The following CNTLN variants were observed in gnomAD, a reference collection of about 807,000 sequenced individuals.
CNTLN encodes the protein centlein, centrosomal protein.
Under a neutral mutation model 180.0 loss-of-function variants are expected in CNTLN, and 212 were observed. That is an observed-to-expected ratio of 1.18 (90% CI 1.05 to 1.32). The LOEUF is 1.32. CNTLN is among the 40% of genes most tolerant of loss of function. CNTLN has a pLI of 0.00. For missense variants in CNTLN, 2,095 were observed against 1,610.9 expected, an observed-to-expected ratio of 1.30 and a Z score of -5.14; for synonymous variants, 722 against 563.1, an observed-to-expected ratio of 1.28 and a Z score of -3.99.
chr9:17,254,168 A>G (rs1356622799), intron 5 of CNTLN, among the ~76,000 whole-genome samples: 1 of 151,608 alleles, frequency 6.6e-6, no homozygotes, highest in Non-Finnish European at 1.5e-5. Flanking sequence ...ATCTTTTCAT[A>G]TGCTTCTTGG....
At chr9:17,192,314 C>T (rs1425816703) in intron 2 of CNTLN, among the ~76,000 whole-genome samples, 1 of 148,940 alleles carries the variant, frequency 6.7e-6, no homozygotes, top group African/African-American at 2.5e-5. Flanking sequence ...TCTCGGCTCA[C>T]TGCAAACTCT....
intron 2 of CNTLN, among the ~76,000 whole-genome samples, chr9:17,202,378 C>T (rs962050924): frequency 6.6e-6 from 1 of 152,072 alleles, no homozygotes; most frequent in Non-Finnish European, 1.5e-5. Flanking sequence ...AGTTCAAGGC[C>T]TGAATATCCT....
At chr9:17,459,840 C>T (rs748496573) in intron 19 of CNTLN, among the ~76,000 whole-genome samples, 5 of 151,580 alleles carry the variant, frequency 3.3e-5, no homozygotes, top group African/African-American at 4.8e-5. Flanking sequence ...CTCATTTTAC[C>T]TGAATTATCT....
intron 18 of CNTLN, chr9:17,447,554 TCA>T (rs1487140231): frequency 1.3e-5 from 2 of 153,698 alleles, no homozygotes; most frequent in African/African-American, 4.8e-5. Context: ...TCAGCAGGAC[TCA>T]CAGTTTATCA....
intron 2 of CNTLN, among the ~76,000 whole-genome samples, chr9:17,203,097 G>T (rs1183455536): frequency 6.6e-6 from 1 of 152,058 alleles, no homozygotes; most frequent in Non-Finnish European, 1.5e-5. Context: ...CACTTATGAA[G>T]CTTAGTTTGG....
At chr9:17,321,607 T>A (rs1193235445) in intron 8 of CNTLN, among the ~76,000 whole-genome samples, 1 of 152,190 alleles carries the variant, frequency 6.6e-6, no homozygotes, top group Admixed American at 6.5e-5. Flanking sequence ...GTAGTTAGCT[T>A]TATTTTCTTG....
At chr9:17,416,758 C>T (rs1460310059) in intron 18 of CNTLN, among the ~76,000 whole-genome samples, 2 of 152,094 alleles carry the variant, frequency 1.3e-5, no homozygotes, top group Non-Finnish European at 2.9e-5. Flanking sequence ...GTTTAACTTA[C>T]ACTTTGAGAT....
rs1182294151 is a variant in CNTLN at position 17,417,330 on chromosome 9, G to A, written c.3114+1141G>A. Among the ~76,000 whole-genome samples, 10 of 150,706 alleles carry A rather than the reference G, an allele frequency of 6.6e-5. 1 individual carries two copies. The Middle Eastern group carries it at 0.017, about 260-fold the overall frequency. ...TCCCTTTCCTTTTCTTTTCTCCTAC[G>A]CTTCCTTTCTTTCTTCTCTAGTTAA... On this transcript the variant is annotated intron_variant, in intron 18 of 25. Transcript: ENST00000380647.
chr9:17,323,505 A>G (rs574471635), intron 8 of CNTLN, among the ~76,000 whole-genome samples: 3 of 152,278 alleles, frequency 2.0e-5, no homozygotes, highest in African/African-American at 7.2e-5. Flanking sequence ...GCATCTTACT[A>G]TGGCTATGTG....
chr9:17,388,449 T>C (rs1309450591), intron 14 of CNTLN, among the ~76,000 whole-genome samples, 196 bp downstream of exon 14: 2 of 152,072 alleles, frequency 1.3e-5, no homozygotes, highest in African/African-American at 4.8e-5. Flanking sequence ...TAAACACTTG[T>C]GCTTCCATTG....
At chr9:17,351,003 A>C (rs1218336297) in intron 12 of CNTLN, among the ~76,000 whole-genome samples, 1 of 152,240 alleles carries the variant, frequency 6.6e-6, no homozygotes, top group Non-Finnish European at 1.5e-5. Flanking sequence ...AATCAAAGAC[A>C]GAAAAATCTA....
chr9:17,271,997 T>C (rs1827978904), intron 5 of CNTLN, among the ~76,000 whole-genome samples: 1 of 152,102 alleles, frequency 6.6e-6, no homozygotes, highest in East Asian at 1.9e-4. Flanking sequence ...TATTTGCATT[T>C]TGCTAGGATA....
chr9:17,215,368 AT>A (rs913762180), intron 2 of CNTLN, among the ~76,000 whole-genome samples: 3 of 152,192 alleles, frequency 2.0e-5, no homozygotes, highest in Admixed American at 6.5e-5. Flanking sequence ...AGAACAGCGA[AT>A]TTTGCTGAAC....
intron 14 of CNTLN, among the ~76,000 whole-genome samples, chr9:17,392,008 C>T (rs1179504126): frequency 1.3e-5 from 2 of 152,122 alleles, no homozygotes; most frequent in Non-Finnish European, 2.9e-5. Context: ...TCCCCTAAAA[C>T]ATACTGCTTC....
intron 13 of CNTLN, among the ~76,000 whole-genome samples, chr9:17,374,060 G>A (rs1404521873): frequency 6.6e-6 from 1 of 152,108 alleles, no homozygotes; most frequent in African/African-American, 2.4e-5. Context: ...ACTGAGCAAG[G>A]ATCTTTTGAG....
chr9:17,194,474 C>T (rs896558011), intron 2 of CNTLN, among the ~76,000 whole-genome samples: 1 of 152,188 alleles, frequency 6.6e-6, no homozygotes, highest in African/African-American at 2.4e-5. Flanking sequence ...AAAATGCCGC[C>T]AGTTTCTTTG....
In CNTLN at chr9:17,457,559, A is replaced by C. The variant is rs1831203979; in HGVS notation, c.3150A>C (p.Glu1050Asp). 1 of 1,521,132 alleles carries C rather than the reference A, an allele frequency of 6.6e-7. No individual in the cohort carries two copies. The highest frequency in any genetic ancestry group is 1.4e-5 in the South Asian group (1 of 72,048). 94.2% of individuals were successfully genotyped at this position (1,521,132 alleles called of 1,614,324 possible). Residue 1050 changes from glutamate (E) to aspartate (D), a missense_variant, in exon 19 of 26, where the codon GAA (glutamate) becomes GAC (aspartate). Transcript: ENST00000380647. ...LNLDLAGLRKEKEDLLKKLES... is the reference protein window; with the variant it reads ...LNLDLAGLRKDKEDLLKKLES... Reference sequence around the variant, plus strand: ...TGGATTTGGCTGGGCTTCGGAAAGAAAAAGAAGATTTACTAAAGAAATTGG... The same window carrying C: ...TGGATTTGGCTGGGCTTCGGAAAGACAAAGAAGATTTACTAAAGAAATTGG...
At chr9:17,337,430 C>G (rs1240940075) in intron 10 of CNTLN, among the ~76,000 whole-genome samples, 1 of 152,080 alleles carries the variant, frequency 6.6e-6, no homozygotes, top group Non-Finnish European at 1.5e-5. Context: ...ACTATTTTTT[C>G]TGTAATTAAT....
rs145416425 is a variant in CNTLN at position 17,324,343 on chromosome 9, A to G, written c.1342-6289A>G. Among the ~76,000 whole-genome samples, 677 of 152,322 alleles carry G rather than the reference A, an allele frequency of 4.4e-3. 3 individuals carry two copies. The highest frequency in any genetic ancestry group is 0.015 in the African/African-American group (631 of 41,584). On this transcript the variant is annotated intron_variant, in intron 8 of 25. Coordinates refer to ENST00000380647, the MANE Select transcript of CNTLN (RefSeq NM_017738.4). Reference sequence around the variant, plus strand: ...AATTCTGGCAGAATGTGAGGCTTATAACATATTTTGGAAAAATCTGAATGT... The same window carrying G: ...AATTCTGGCAGAATGTGAGGCTTATGACATATTTTGGAAAAATCTGAATGT...
Sources: allele counts gnomAD v4.1 joint callset (sites outside exome capture counted in the v4.1 genomes callset), GRCh38; gene constraint gnomAD v4.1.1; transcripts MANE v1.5; gene names NCBI Gene and HGNC (gene_info 2026-07-23, HGNC 2026-07-21).